Variants in CACNA2D2 observed in about 807,000 individuals in gnomAD.
The protein encoded by CACNA2D2 is calcium voltage-gated channel auxiliary subunit alpha2delta 2.
CACNA2D2 carries 48 observed loss-of-function variants against 166.4 expected under a neutral mutation model. The observed-to-expected ratio is 0.29, with a 90% CI of 0.23 to 0.37. CACNA2D2 has a LOEUF of 0.37. CACNA2D2 is among the 10% of genes least tolerant of loss of function. The probability of loss-of-function intolerance (pLI) is 1.00; values close to 1 mark genes in which losing one functional copy is unlikely to be tolerated. For synonymous variants in CACNA2D2, 561 were observed against 573.7 expected, an observed-to-expected ratio of 0.98 and a Z score of 0.32; for missense variants, 1,122 against 1,433.0, an observed-to-expected ratio of 0.78 and a Z score of 3.50.
At chr3:50,382,803 G>A (rs1179587157) in intron 6 of CACNA2D2, among the ~76,000 whole-genome samples, 1 of 152,150 alleles carries the variant, frequency 6.6e-6, no homozygotes, top group Non-Finnish European at 1.5e-5. Context: ...TAGAGCAGAG[G>A]GGTGTCCCTG....
intron 22 of CACNA2D2, among the ~76,000 whole-genome samples, chr3:50,370,677 A>G (rs1290677966): frequency 6.6e-6 from 1 of 151,968 alleles, no homozygotes; most frequent in Admixed American, 6.6e-5. Context: ...ATATGCTTCC[A>G]TACGGCTGTA....
intron 1 of CACNA2D2, among the ~76,000 whole-genome samples, chr3:50,500,166 A>G (rs1364940547): frequency 2.0e-5 from 3 of 152,152 alleles, no homozygotes; most frequent in Non-Finnish European, 4.4e-5. Context: ...ACTGCTCCCC[A>G]TGTGTCCACT....
intron 1 of CACNA2D2, among the ~76,000 whole-genome samples, chr3:50,501,751 C>CA (rs1457943981): frequency 4.6e-5 from 7 of 152,016 alleles, no homozygotes; most frequent in East Asian, 1.9e-4. Flanking sequence ...GAAGAAAGAA[C>CA]AACAAAAAAA....
At chr3:50,457,163 T>C (rs1335965498) in intron 2 of CACNA2D2, among the ~76,000 whole-genome samples, 4 of 151,984 alleles carry the variant, frequency 2.6e-5, no homozygotes, top group African/African-American at 9.7e-5. Context: ...GGCATGAAAA[T>C]TGCTTGAACT....
intron 2 of CACNA2D2, among the ~76,000 whole-genome samples, chr3:50,455,063 G>A (rs1337720524): frequency 1.3e-5 from 2 of 152,244 alleles, no homozygotes; most frequent in Non-Finnish European, 2.9e-5. Flanking sequence ...CTGCCAGTGA[G>A]GCTGATTCCA....
rs981825018 is a variant in CACNA2D2 at position 50,425,686 on chromosome 3, T to G, written c.405+8627A>C. 2.6e-5 allele frequency among the ~76,000 whole-genome samples: 4 copies of G among 152,130 alleles called. No homozygotes were observed. The East Asian group carries it at 5.8e-4, about 22-fold the overall frequency. On this transcript the variant is annotated intron_variant, in intron 3 of 37. Transcript: ENST00000424201. ...CTGCAGGCCCTTTCCCTCCACCTCT[T>G]TGCATCTGCTCCCTTCGCCACCTGG...
intron 3 of CACNA2D2, among the ~76,000 whole-genome samples, chr3:50,420,168 G>A (rs7647409): frequency 0.095 from 14,540 of 152,306 alleles, 2,026 homozygotes; most frequent in African/African-American, 0.31. Flanking sequence ...TTCACGTCCT[G>A]ACATCCCGAG....
intron 2 of CACNA2D2, among the ~76,000 whole-genome samples, chr3:50,452,579 A>G (rs961848707): frequency 1.3e-5 from 2 of 152,230 alleles, no homozygotes; most frequent in Non-Finnish European, 2.9e-5. Context: ...AAGTGTAATT[A>G]TAAGAACTAT....
intron 3 of CACNA2D2, among the ~76,000 whole-genome samples, chr3:50,414,391 C>T (rs1707171590): frequency 6.6e-6 from 1 of 152,222 alleles, no homozygotes; most frequent in Non-Finnish European, 1.5e-5. Flanking sequence ...TCTAAACAAA[C>T]AAGCAATTTA....
intron 1 of CACNA2D2, among the ~76,000 whole-genome samples, chr3:50,498,835 A>G (rs1012095391): frequency 1.3e-5 from 2 of 152,212 alleles, no homozygotes; most frequent in Non-Finnish European, 2.9e-5. Flanking sequence ...CACTGCCCAG[A>G]TGTCCCCAGC....
intron 1 of CACNA2D2, among the ~76,000 whole-genome samples, chr3:50,478,396 G>A (rs1014105692): frequency 2.0e-5 from 3 of 152,172 alleles, no homozygotes; most frequent in African/African-American, 7.2e-5. Flanking sequence ...GCCAGGCAGG[G>A]GGCAGACAAA....
chr3:50,412,815 C>T (rs893569764), intron 3 of CACNA2D2, among the ~76,000 whole-genome samples: 23 of 152,182 alleles, frequency 1.5e-4, no homozygotes, highest in African/African-American at 5.6e-4. Context: ...AAGGATGTCA[C>T]CGTGGAGTTT....
At chr3:50,495,398 T>C (rs1189784167) in intron 1 of CACNA2D2, among the ~76,000 whole-genome samples, 2 of 151,978 alleles carry the variant, frequency 1.3e-5, no homozygotes, top group Non-Finnish European at 2.9e-5. Context: ...GTCCTGAAAA[T>C]GCCAGGAAAG....
Position 50,503,274 on chromosome 3 carries a change from A to T in CACNA2D2, c.150T>A (p.Leu50=). 2 of 1,176,506 alleles carry T rather than the reference A, an allele frequency of 1.7e-6. No homozygotes were observed. Among genetic ancestry groups the T allele is most frequent in the African/African-American group, 3.2e-5 (2 of 62,466 alleles). 72.9% of individuals were successfully genotyped at this position (1,176,506 alleles called of 1,614,324 possible). Reference sequence around the variant, plus strand: ...CGCCGGGGGCGGCGAGCAGCGGTAGAAGCGGCAGCAGCAGCCACAGCGGGC... The same window carrying T: ...CGCCGGGGGCGGCGAGCAGCGGTAGTAGCGGCAGCAGCAGCCACAGCGGGC... ...PPRPLWLLLP[L]LPLLAAPGAS... is the part of the protein sequence containing the mutation. The change falls in exon 1 of 38, where the codon CTT becomes CTA. Residue 50 remains leucine (L), a synonymous_variant. Coordinates refer to ENST00000424201, the MANE Select transcript of CACNA2D2 (RefSeq NM_006030.4).
At chr3:50,478,261 G>A (rs552732113) in intron 1 of CACNA2D2, among the ~76,000 whole-genome samples, 3 of 152,228 alleles carry the variant, frequency 2.0e-5, no homozygotes, top group Non-Finnish European at 4.4e-5. Context: ...AAAATTGACA[G>A]CCTGCGTGAC....
At chr3:50,409,536 C>G (rs1384162202) in intron 3 of CACNA2D2, among the ~76,000 whole-genome samples, 1 of 152,272 alleles carries the variant, frequency 6.6e-6, no homozygotes, top group African/African-American at 2.4e-5. Context: ...TCATCGTGGG[C>G]GATGCCACTG....
At position 50,476,139 on chromosome 3, in the gene CACNA2D2, TC is replaced by T; in HGVS notation, c.266del (p.Gly89GlufsTer46). On this transcript the variant is annotated frameshift_variant, in exon 2 of 38. Transcript: ENST00000424201. LOFTEE classifies it high-confidence loss of function. Reference sequence around the variant, plus strand: ...TCACCTCACGGAGCTGCTGGACGCCTCCAAAAATCCGCATCACGCCGTCGAC... The same window carrying T: ...TCACCTCACGGAGCTGCTGGACGCCTCAAAAATCCGCATCACGCCGTCGAC... ...QEVDGVMRIF[G>X]GVQQLREIYK... The T allele has an allele frequency of 6.2e-7, 1 of 1,602,572 alleles. No individual in the cohort carries two copies. The highest frequency in any genetic ancestry group is 8.5e-7 in the Non-Finnish European group (1 of 1,175,092).
At chr3:50,478,964 T>A (rs1201417472) in intron 1 of CACNA2D2, among the ~76,000 whole-genome samples, 1 of 152,212 alleles carries the variant, frequency 6.6e-6, no homozygotes, top group Admixed American at 6.5e-5. Flanking sequence ...AGGTCCCTGC[T>A]TCTAGGATTT....
At chr3:50,383,397 A>G (rs1705432689) in intron 6 of CACNA2D2, among the ~76,000 whole-genome samples, 1 of 152,038 alleles carries the variant, frequency 6.6e-6, no homozygotes, top group South Asian at 2.1e-4. Context: ...TTCCAAGGCT[A>G]CTCTGTAGGT....
Sources: allele counts gnomAD v4.1 joint callset (sites outside exome capture counted in the v4.1 genomes callset), GRCh38; gene constraint gnomAD v4.1.1; transcripts MANE v1.5; gene names NCBI Gene and HGNC (gene_info 2026-07-23, HGNC 2026-07-21).